The following SNIP1 variants were observed in gnomAD, a reference collection of about 807,000 sequenced individuals.
The protein encoded by SNIP1 is Smad nuclear interacting protein 1.
Under a neutral mutation model 37.4 loss-of-function variants are expected in SNIP1, and 23 were observed. That is an observed-to-expected ratio of 0.61 (90% CI 0.44 to 0.87). The LOEUF (loss-of-function observed/expected upper bound fraction) is 0.87. Among genes scored for constraint, SNIP1 ranks in the 40% least tolerant of loss-of-function variants. The pLI, the probability that SNIP1 is intolerant of heterozygous loss-of-function variation, is 0.00. For missense variants in SNIP1, 459 were observed against 540.4 expected, an observed-to-expected ratio of 0.85 and a Z score of 1.49; for synonymous variants, 174 against 200.0, an observed-to-expected ratio of 0.87 and a Z score of 1.10.
At position 37,543,003 on chromosome 1, in the gene SNIP1, T is replaced by C. The variant is rs143004374; in HGVS notation, c.328-2248A>G. Among the ~76,000 whole-genome samples, 335 of 149,964 alleles carry C rather than the reference T, an allele frequency of 2.2e-3. 1 individual carries two copies. Among genetic ancestry groups the C allele is most frequent in the African/African-American group, 7.6e-3 (309 of 40,578 alleles). ...TGAGCCCAGGAGGTCGAGGCTGAAG[T>C]GAGCTATGATCATACCACTGCAGTC... On this transcript the variant is annotated intron_variant, in intron 2 of 3. Transcript: ENST00000296215.
Position 37,540,128 on chromosome 1 carries a change from A to G in SNIP1, c.926+29T>C, listed in dbSNP as rs1343220393. On this transcript the variant is annotated intron_variant, in intron 3 of 3. Transcript: ENST00000296215. This position sits in a 1 kb window ranked among gnomAD's most constrained non-coding sequence, Gnocchi z 5.6. Reference sequence around the variant, plus strand: ...TAACTGAGTGATTGTTTCTGCTCACATTACAGTTTCTTCCTCCATGTTACT... The same window carrying G: ...TAACTGAGTGATTGTTTCTGCTCACGTTACAGTTTCTTCCTCCATGTTACT... 2.0e-6 allele frequency: 3 copies of G among 1,535,648 alleles called. No homozygotes were observed. In the East Asian group the frequency reaches 6.8e-5, roughly 35 times the overall value.
chr1:37,548,069 G>A (rs1395632406), intron 2 of SNIP1, among the ~76,000 whole-genome samples: 4 of 146,724 alleles, frequency 2.7e-5, no homozygotes, highest in Non-Finnish European at 4.5e-5. Flanking sequence ...GGAGAATGGC[G>A]TGAACCCCGG....
chr1:37,537,975 G>A lies in SNIP1; in HGVS notation c.964C>T (p.Arg322Ter). ...EYTRADGTVGRRVKPYIIDLG... is the reference protein window; with the variant it reads ...EYTRADGTVG ...TCAATGATGTAGGGCTTCACTCTTC[G>A]GCCAACTGTGCCATCAGCACGGGTA... The change falls in exon 4 of 4, where the codon CGA becomes TGA. Residue 322 changes from arginine (R) to a stop codon, truncating the protein, a stop_gained. Coordinates refer to ENST00000296215, the MANE Select transcript of SNIP1 (RefSeq NM_024700.4). LOFTEE classifies it high-confidence loss of function. 5 of 1,613,664 alleles carry A rather than the reference G, an allele frequency of 3.1e-6. No homozygotes were observed. Among genetic ancestry groups the A allele is most frequent in the African/African-American group, 1.3e-5 (1 of 74,970 alleles).
In SNIP1 at chr1:37,540,703, G is replaced by A. The variant is rs751263657; in HGVS notation, c.380C>T (p.Pro127Leu). Residue 127 changes from proline (P) to leucine (L), a missense_variant, in exon 3 of 4, where the codon CCA (proline) becomes CTA (leucine). By Grantham distance (98) the Pro-to-Leu change is moderately conservative. Coordinates refer to ENST00000296215, the MANE Select transcript of SNIP1 (RefSeq NM_024700.4). This position sits in a 1 kb window ranked among gnomAD's most constrained non-coding sequence, Gnocchi z 5.6. Reference sequence around the variant, plus strand: ...AGCTCTCCTGTGTTCCTGTTCTGATGGTTCCCTGTGCTGCCGATCCTCCCG... The same window carrying A: ...AGCTCTCCTGTGTTCCTGTTCTGATAGTTCCCTGTGCTGCCGATCCTCCCG... ...RGREDRQHRE[P>L]SEQEHRRARN... 1.2e-6 allele frequency: 2 copies of A among 1,613,528 alleles called. No individual in the cohort carries two copies. Among genetic ancestry groups the A allele is most frequent in the South Asian group, 1.1e-5 (1 of 91,068 alleles).
intron 2 of SNIP1, among the ~76,000 whole-genome samples, chr1:37,546,731 T>C (rs919625400): frequency 6.6e-6 from 1 of 152,100 alleles, no homozygotes; most frequent in African/African-American, 2.4e-5. Flanking sequence ...CAGTTCCCAA[T>C]TCCTCTCCTC....
chr1:37,552,542 G>A (rs540370331), intron 2 of SNIP1, 103 bp downstream of exon 2: 52 of 951,350 alleles, frequency 5.5e-5, no homozygotes, highest in South Asian at 4.5e-4. Context: ...GCGAGCGTAC[G>A]TGCACATGTG....
In SNIP1 at chr1:37,552,604, G is replaced by T. The variant is rs368696720; in HGVS notation, c.327+41C>A. The T allele has an allele frequency of 2.3e-5, 34 of 1,478,170 alleles. 1 individual carries two copies. The Admixed American group carries it at 3.0e-4, about 13-fold the overall frequency. 91.6% of individuals were successfully genotyped at this position (1,478,170 alleles called of 1,614,324 possible). On this transcript the variant is annotated intron_variant, in intron 2 of 3. Transcript: ENST00000296215. ...TCCTCTTTAGCTGTGATAGGAAAAG[G>T]CTCTCAATTTGGACCCATCAAAACA...
chr1:37,552,740 G>C lies in SNIP1; in HGVS notation c.232C>G (p.Pro78Ala), dbSNP rs765154628. The C allele has an allele frequency of 5.0e-6, 8 of 1,613,832 alleles. No individual in the cohort carries two copies. The Admixed American group carries it at 8.3e-5, about 17-fold the overall frequency. ...NRARGVSRSPPKKKNKASGRR... is the reference protein window; with the variant it reads ...NRARGVSRSPAKKKNKASGRR... Reference sequence around the variant, plus strand: ...CCTGAGGCCTTGTTTTTCTTTTTGGGTGGGGACCTATTCAGAGCATGGTAC... The same window carrying C: ...CCTGAGGCCTTGTTTTTCTTTTTGGCTGGGGACCTATTCAGAGCATGGTAC... Residue 78 changes from proline to alanine, a missense_variant, in exon 2 of 4, where the codon CCC becomes GCC. By Grantham distance (27) the Pro-to-Ala change is conservative. Coordinates refer to ENST00000296215, the MANE Select transcript of SNIP1 (RefSeq NM_024700.4).
At chr1:37,543,567 C>T (rs559091361) in intron 2 of SNIP1, among the ~76,000 whole-genome samples, 1 of 151,980 alleles carries the variant, frequency 6.6e-6, no homozygotes, top group African/African-American at 2.4e-5. Flanking sequence ...AGAGAAGGGG[C>T]AAGTTTCACA....
chr1:37,547,520 G>C (rs1643254701), intron 2 of SNIP1, among the ~76,000 whole-genome samples: 1 of 151,714 alleles, frequency 6.6e-6, no homozygotes, highest in Non-Finnish European at 1.5e-5. Flanking sequence ...GATCACTTGA[G>C]GTCAGGAGTT....
At chr1:37,553,301 T>C (rs1643325115) in intron 1 of SNIP1, among the ~76,000 whole-genome samples, 1 of 152,228 alleles carries the variant, frequency 6.6e-6, no homozygotes. Flanking sequence ...AGGTCTGGGC[T>C]CAAATGGCAC....
intron 2 of SNIP1, among the ~76,000 whole-genome samples, chr1:37,552,306 A>G (rs920973537): frequency 1.3e-5 from 2 of 152,208 alleles, no homozygotes; most frequent in Non-Finnish European, 2.9e-5. Context: ...TCTTGACTAT[A>G]TCGATGTCAA....
At position 37,550,666 on chromosome 1, in the gene SNIP1, C is replaced by G. The variant is rs183972038; in HGVS notation, c.327+1979G>C. Among the ~76,000 whole-genome samples the G allele has an allele frequency of 7.9e-3, 1,204 of 151,884 alleles. 6 individuals carry two copies. The highest frequency in any genetic ancestry group is 0.01 in the Non-Finnish European group (703 of 67,966). ...AGGTTGCAATGAGCTGAGATCGCGC[C>G]ATTACACTCCAGCCTGGGCAACAAG... On this transcript the variant is annotated intron_variant, in intron 2 of 3. Coordinates refer to ENST00000296215, the MANE Select transcript of SNIP1 (RefSeq NM_024700.4).
intron 2 of SNIP1, among the ~76,000 whole-genome samples, chr1:37,548,325 C>CA (rs1553166267): frequency 6.8e-6 from 1 of 146,512 alleles, no homozygotes; most frequent in African/African-American, 2.5e-5. Context: ...TTAAAATTTG[C>CA]TTTTTTTTTT....
rs1278517338 is a variant in SNIP1, at chr1:37,554,231, C to T, written c.-2G>A. The T allele has an allele frequency of 6.3e-7, 1 of 1,592,778 alleles. No homozygotes were observed. The highest frequency in any genetic ancestry group is 1.1e-5 in the South Asian group (1 of 88,544). ...CCGTTCGCTCTTCACCGCCTTCATT[C>T]TGTGATTTTGGCTGGGCGAAAGAAA... On this transcript the variant is annotated 5_prime_UTR_variant, in exon 1 of 4. Transcript: ENST00000296215.
chr1:37,540,204 T>C lies in SNIP1; in HGVS notation c.879A>G (p.Pro293=), dbSNP rs191642060. 83 of 1,607,724 alleles carry C rather than the reference T, an allele frequency of 5.2e-5. No homozygotes were observed. In the East Asian group the frequency reaches 1.8e-3, roughly 35 times the overall value. Residue 293 remains proline, a synonymous_variant, in exon 3 of 4, where the codon CCA becomes CCG. Coordinates refer to ENST00000296215, the MANE Select transcript of SNIP1 (RefSeq NM_024700.4). This position sits in a 1 kb window ranked among gnomAD's most constrained non-coding sequence, Gnocchi z 5.6. The part of the protein sequence containing the change: ...LGRHRRIADI[P]IDHPSCSKQH... ...GCTTTGAACAAGACGGGTGATCAAT[T>C]GGAATGTCTGCAATGCGGCGGTGTC...
In SNIP1 at chr1:37,554,241, G is replaced by C. The variant is rs763073886; in HGVS notation, c.-12C>G. The stretch of plus-strand genomic sequence containing the variant: ...TTCACCGCCTTCATTCTGTGATTTT[G>C]GCTGGGCGAAAGAAAACAGATCAGT... On this transcript the variant is annotated 5_prime_UTR_variant, in exon 1 of 4. Transcript: ENST00000296215. The C allele has an allele frequency of 6.3e-7, 1 of 1,585,366 alleles. No individual in the cohort carries two copies. The highest frequency in any genetic ancestry group is 8.6e-7 in the Non-Finnish European group (1 of 1,163,246).
At chr1:37,548,532 T>C (rs1570027302) in intron 2 of SNIP1, among the ~76,000 whole-genome samples, 1 of 151,864 alleles carries the variant, frequency 6.6e-6, no homozygotes, top group African/African-American at 2.4e-5. Flanking sequence ...GCCAGGCTGG[T>C]CTCCTGACCT....
At chr1:37,550,183 T>C (rs1643285167) in intron 2 of SNIP1, among the ~76,000 whole-genome samples, 1 of 152,196 alleles carries the variant, frequency 6.6e-6, no homozygotes, top group Non-Finnish European at 1.5e-5. Context: ...CAAAAAGTTC[T>C]TAGCCATGAC....
Sources: allele counts gnomAD v4.1 joint callset (sites outside exome capture counted in the v4.1 genomes callset), GRCh38; gene constraint gnomAD v4.1.1; non-coding constraint Gnocchi (gnomAD v3.1); transcripts MANE v1.5; gene names NCBI Gene and HGNC (gene_info 2026-07-23, HGNC 2026-07-21).